The following MLLT10 variants were observed in gnomAD, a reference collection of about 807,000 sequenced individuals.
MLLT10 encodes MLLT10 histone lysine methyltransferase DOT1L cofactor, also known as protein AF-10.
In MLLT10, 30 loss-of-function variants were observed where a neutral mutation model predicts 129.1. The ratio of observed to expected loss-of-function variants is 0.23; its 90% confidence interval spans 0.17 to 0.32. The LOEUF (loss-of-function observed/expected upper bound fraction) is 0.32, where lower values mean the gene tolerates loss of function less well. Among genes scored for constraint, MLLT10 ranks in the 10% least tolerant of loss-of-function variants. The pLI is 1.00. For missense variants in MLLT10, 1,119 were observed against 1,268.3 expected, an observed-to-expected ratio of 0.88 and a Z score of 1.79; for synonymous variants, 490 against 446.4, an observed-to-expected ratio of 1.10 and a Z score of -1.23.
intron 3 of MLLT10, among the ~76,000 whole-genome samples, chr10:21,548,579 C>A (rs140260507): frequency 6.6e-6 from 1 of 151,934 alleles, no homozygotes. Context: ...CCATGTGAGC[C>A]GAGATGGTCT....
At chr10:21,553,787 T>C (rs1214350710) in intron 3 of MLLT10, among the ~76,000 whole-genome samples, 1 of 151,896 alleles carries the variant, frequency 6.6e-6, no homozygotes, top group East Asian at 1.9e-4. Flanking sequence ...GTAGCTGAGA[T>C]TATAGGCATG....
rs1833826639 is a variant in MLLT10 at position 21,742,668 on chromosome 10, T to C, written c.*685T>C. 1 of 223,768 alleles carries C rather than the reference T, an allele frequency of 4.5e-6. No homozygotes were observed. Among genetic ancestry groups the C allele is most frequent in the Admixed American group, 5.7e-5 (1 of 17,438 alleles). The allele number at this position is 223,768 out of a possible 1,614,324, so 13.9% of individuals were successfully genotyped here. On this transcript the variant is annotated 3_prime_UTR_variant, in exon 23 of 23. Coordinates refer to ENST00000307729, the MANE Select transcript of MLLT10 (RefSeq NM_001195626.3). ...GACCTACTCATATTTTGAAGAAATC[T>C]TGAGTTAAGTGAGTTCTGAGGCTGC...
chr10:21,572,275 T>C (rs765814495), intron 3 of MLLT10, among the ~76,000 whole-genome samples: 7 of 152,252 alleles, frequency 4.6e-5, no homozygotes, highest in Non-Finnish European at 8.8e-5. Context: ...AGCCCTGTTA[T>C]TCTGATAATT....
chr10:21,612,421 A>C lies in MLLT10; in HGVS notation c.479A>C (p.His160Pro). The C allele has an allele frequency of 1.9e-6, 3 of 1,612,974 alleles. No individual in the cohort carries two copies. Among genetic ancestry groups the C allele is most frequent in the Non-Finnish European group, 2.5e-6 (3 of 1,179,294 alleles). Reference protein sequence around the residue: ...ATGACMTCNKHGCRQAFHVTC... With the variant: ...ATGACMTCNKPGCRQAFHVTC... The stretch of plus-strand genomic sequence containing the variant: ...GGTGCTTGCATGACATGTAATAAAC[A>C]TGGATGTCGACAGGCTTTCCATGTA... The change falls in exon 6 of 23, where the codon CAT becomes CCT. Residue 160 changes from histidine (H) to proline (P), a missense_variant. His to Pro is a moderately conservative substitution (Grantham distance 77, BLOSUM62 -2). Around this residue, in one of 5 missense-constraint regions of MLLT10, gnomAD observed 44 missense variants for 114.3 expected, o/e 0.38. Transcript: ENST00000307729.
intron 9 of MLLT10, among the ~76,000 whole-genome samples, chr10:21,669,981 C>A (rs892881135): frequency 1.3e-5 from 2 of 151,958 alleles, no homozygotes; most frequent in Non-Finnish European, 2.9e-5. Context: ...CTCTGTCCTC[C>A]GCTAGCCTTA....
At chr10:21,741,340 A>G (rs764524625) in intron 22 of MLLT10, among the ~76,000 whole-genome samples, 1 of 152,176 alleles carries the variant, frequency 6.6e-6, no homozygotes, top group Non-Finnish European at 1.5e-5. Flanking sequence ...AACTTTTCCT[A>G]GGTTATACAA....
intron 2 of MLLT10, 56 bp from the exon 3 acceptor site, chr10:21,538,777 G>T: frequency 7.4e-7 from 1 of 1,350,334 alleles, no homozygotes; most frequent in South Asian, 1.2e-5. Flanking sequence ...AAGGGTATTT[G>T]ATTTTTCCAT....
intron 11 of MLLT10, among the ~76,000 whole-genome samples, chr10:21,680,798 CCT>C (rs2052655592): frequency 6.6e-6 from 1 of 151,868 alleles, no homozygotes; most frequent in African/African-American, 2.4e-5. Context: ...ATGGTGAAAC[CCT>C]GTCTCTACTA....
intron 9 of MLLT10, among the ~76,000 whole-genome samples, chr10:21,652,852 A>G (rs902146802): frequency 8.5e-5 from 13 of 152,178 alleles, no homozygotes; most frequent in African/African-American, 3.1e-4. Context: ...GGTGGTAAAA[A>G]CAGAGGTAGT....
Position 21,716,312 on chromosome 10 carries a change from T to C in MLLT10, c.1878+2362T>C, listed in dbSNP as rs369778968. Among the ~76,000 whole-genome samples the C allele has an allele frequency of 2.6e-5, 4 of 152,356 alleles. No homozygotes were observed. The East Asian group carries it at 7.7e-4, about 29-fold the overall frequency. On this transcript the variant is annotated intron_variant, in intron 14 of 22. Coordinates refer to ENST00000307729, the MANE Select transcript of MLLT10 (RefSeq NM_001195626.3). The stretch of plus-strand genomic sequence containing the variant: ...TTAGTTGTGTTTAGATAGTCACATC[T>C]AGTGTTTTATTTAGGGTTGCTCTAA...
At chr10:21,737,234 T>C (rs1468206424) in intron 21 of MLLT10, among the ~76,000 whole-genome samples, 2 of 129,530 alleles carry the variant, frequency 1.5e-5, no homozygotes, top group African/African-American at 6.1e-5. Flanking sequence ...TTTTACAGTT[T>C]GGGTGTGATG....
At chr10:21,558,890 T>C (rs897994538) in intron 3 of MLLT10, among the ~76,000 whole-genome samples, 6 of 152,184 alleles carry the variant, frequency 3.9e-5, no homozygotes, top group South Asian at 2.1e-4. Context: ...ATATTAATAA[T>C]AACTCTGGAT....
intron 3 of MLLT10, chr10:21,557,032 T>C (rs1178066318): frequency 7.0e-7 from 1 of 1,434,256 alleles, no homozygotes; most frequent in Non-Finnish European, 9.1e-7. Flanking sequence ...GTCTTCAGTC[T>C]ATCCTGTTTA....
chr10:21,637,073 A>G (rs552923398), intron 8 of MLLT10, among the ~76,000 whole-genome samples: 64 of 152,346 alleles, frequency 4.2e-4, no homozygotes, highest in African/African-American at 1.5e-3. Context: ...TGCACTTAAT[A>G]GCCATGTCAT....
At position 21,538,201 on chromosome 10, in the gene MLLT10, A is replaced by G. The variant is rs1291454995; in HGVS notation, c.161-632A>G. On this transcript the variant is annotated intron_variant, in intron 2 of 22. Transcript: ENST00000307729. Reference sequence around the variant, plus strand: ...AAATTTGAGACGGAGTTTCACTCTTATTGCCCAGGCTGGAGTGCAATGGTG... The same window carrying G: ...AAATTTGAGACGGAGTTTCACTCTTGTTGCCCAGGCTGGAGTGCAATGGTG... 5.8e-5 allele frequency among the ~76,000 whole-genome samples: 7 copies of G among 121,236 alleles called. No homozygotes were observed. In the South Asian group the frequency reaches 1.0e-3, roughly 18 times the overall value. The allele number at this position is 121,236 out of a possible 152,430, so 79.5% of individuals were successfully genotyped here.
intron 3 of MLLT10, chr10:21,556,921 T>A: frequency 6.5e-7 from 1 of 1,550,118 alleles, no homozygotes. Context: ...TCATTTGGCG[T>A]TTCAAGAAGG....
chr10:21,551,230 A>G (rs2036964496), intron 3 of MLLT10, among the ~76,000 whole-genome samples: 1 of 142,892 alleles, frequency 7.0e-6, no homozygotes, highest in African/African-American at 2.6e-5. Flanking sequence ...CGGCCAACTT[A>G]TCTTTGATTT....
Position 21,619,033 on chromosome 10 carries a change from C to T in MLLT10, c.699+1826C>T, listed in dbSNP as rs1424132046. 8.5e-5 allele frequency among the ~76,000 whole-genome samples: 6 copies of T among 70,932 alleles called. No homozygotes were observed. The East Asian group carries it at 1.5e-3, about 17-fold the overall frequency. 46.5% of individuals were successfully genotyped at this position (70,932 alleles called of 152,430 possible). A position where few individuals can be genotyped will look rare whatever the true frequency, so the allele number is the denominator to read the frequency against. On this transcript the variant is annotated intron_variant, in intron 8 of 22. Coordinates refer to ENST00000307729, the MANE Select transcript of MLLT10 (RefSeq NM_001195626.3). The stretch of plus-strand genomic sequence containing the variant: ...GAGCCACCGTGCCTGGTGACATACA[C>T]ACACACACACACACACACACACACA...
chr10:21,621,331 G>A (rs1313360623), intron 8 of MLLT10, among the ~76,000 whole-genome samples: 5 of 147,638 alleles, frequency 3.4e-5, no homozygotes, highest in Admixed American at 1.4e-4. Flanking sequence ...TGCAAGCTCC[G>A]CCTTCCAGGT....
Sources: allele counts gnomAD v4.1 joint callset (sites outside exome capture counted in the v4.1 genomes callset), GRCh38; gene constraint gnomAD v4.1.1; regional missense constraint gnomAD v4.1.1; transcripts MANE v1.5; gene names NCBI Gene and HGNC (gene_info 2026-07-23, HGNC 2026-07-21).